Variants in ZNF487 observed in about 807,000 individuals in gnomAD.
ZNF487 encodes KRAB domain only 1.
In ZNF487, 4 loss-of-function variants were observed where a neutral mutation model predicts 3.0. The ratio of observed to expected loss-of-function variants is 1.35; its 90% CI spans 0.66 to 3.08. ZNF487 has a LOEUF of 3.08. Among genes scored for constraint, ZNF487 ranks in the 30% most tolerant of loss-of-function variants. The probability of loss-of-function intolerance (pLI) is 0.01; values close to 1 mark genes in which losing one functional copy is unlikely to be tolerated. For missense variants in ZNF487, 146 were observed against 98.7 expected (o/e 1.48, Z -2.03); for synonymous variants, 55 against 34.6 (o/e 1.59, Z -2.06).
intron 1 of ZNF487, among the ~76,000 whole-genome samples, chr10:43,443,378 GT>G (rs35842181): frequency 1.7e-3 from 192 of 116,308 alleles, no homozygotes; most frequent in East Asian, 4.1e-3. Context: ...TTTTGTTTTT[GT>G]TTTTTTTTTT....
chr10:43,513,271 A>G, the ZNF487 span, among the ~76,000 whole-genome samples: 1 of 152,236 alleles, frequency 6.6e-6, no homozygotes, highest in African/African-American at 2.4e-5. Flanking sequence ...CTGAAGGCAA[A>G]TTGCTTTTGG....
chr10:43,448,053 G>A (rs1284039836), intron 1 of ZNF487, among the ~76,000 whole-genome samples: 4 of 141,478 alleles, frequency 2.8e-5, no homozygotes, highest in Non-Finnish European at 6.0e-5. Context: ...GCAGTGGTGC[G>A]ATCTCGGCTT....
chr10:43,484,555 C>T (rs143933932), downstream of ZNF487, among the ~76,000 whole-genome samples: 5,141 of 151,934 alleles, frequency 0.034, 203 homozygotes, highest in African/African-American at 0.095. Context: ...TGCAGTGAGC[C>T]GAGATCATGC....
At chr10:43,513,026 A>C in the ZNF487 span, among the ~76,000 whole-genome samples, 1 of 152,184 alleles carries the variant, frequency 6.6e-6, no homozygotes, top group Non-Finnish European at 1.5e-5. Context: ...CTGGCACACA[A>C]ATGTCTCACC....
chr10:43,493,709 A>AAAAAAT, the ZNF487 span, among the ~76,000 whole-genome samples: 1 of 43,720 alleles, frequency 2.3e-5, no homozygotes, highest in African/African-American at 8.7e-5. Context: ...AAAAAAAAAA[A>AAAAAAT]ATATATATAT....
At chr10:43,500,356 A>G in the ZNF487 span, among the ~76,000 whole-genome samples, 1 of 151,920 alleles carries the variant, frequency 6.6e-6, no homozygotes, top group Non-Finnish European at 1.5e-5. Context: ...AGTGCAGGAG[A>G]TCAAGGCTGT....
At chr10:43,449,576 A>C (rs1176410977) in intron 1 of ZNF487, among the ~76,000 whole-genome samples, 3 of 152,174 alleles carry the variant, frequency 2.0e-5, no homozygotes, top group Non-Finnish European at 2.9e-5. Flanking sequence ...GTATTTAAAA[A>C]AAAATTCCTT....
rs1232776753 is a variant in ZNF487, at chr10:43,447,309, C to T, written c.-94+10047C>T. Among the ~76,000 whole-genome samples the T allele has an allele frequency of 6.6e-5, 10 of 151,684 alleles. No homozygotes were observed. The East Asian group carries it at 9.7e-4, about 15-fold the overall frequency. On this transcript the variant is annotated intron_variant, in intron 1 of 3. Transcript: ENST00000437590. The stretch of plus-strand genomic sequence containing the variant: ...CCAGGCTGGAGTGCAGTGGCACGAT[C>T]TTAGCTCACTGTAACCTCCACCTCA...
At chr10:43,438,896 C>T (rs1040201321) in intron 1 of ZNF487, among the ~76,000 whole-genome samples, 7 of 151,864 alleles carry the variant, frequency 4.6e-5, no homozygotes, top group Non-Finnish European at 1.0e-4. Context: ...GCCTGAGCAA[C>T]ATAGCGAGAT....
chr10:43,457,807 G>A (rs906918754), intron 1 of ZNF487, among the ~76,000 whole-genome samples: 2 of 152,056 alleles, frequency 1.3e-5, no homozygotes, highest in Non-Finnish European at 2.9e-5. Flanking sequence ...CGGATCACGA[G>A]GTCAGGAGAT....
chr10:43,474,002 G>A (rs1840998946), intron 1 of ZNF487, among the ~76,000 whole-genome samples: 1 of 151,770 alleles, frequency 6.6e-6, no homozygotes, highest in Non-Finnish European at 1.5e-5. Context: ...TCTGTGAAAA[G>A]GCAAAAAAAT....
At chr10:43,470,884 A>T (rs1035746442) in intron 1 of ZNF487, among the ~76,000 whole-genome samples, 3 of 151,712 alleles carry the variant, frequency 2.0e-5, no homozygotes, top group African/African-American at 7.3e-5. Flanking sequence ...CAGTGGCACG[A>T]TCATAGCTCA....
intron 1 of ZNF487, among the ~76,000 whole-genome samples, chr10:43,455,903 C>G (rs1009813776): frequency 2.6e-5 from 4 of 152,228 alleles, no homozygotes; most frequent in African/African-American, 9.6e-5. Context: ...AGGCGGGCAC[C>G]GCCCGCTCTA....
chr10:43,468,177 G>A (rs146093426), intron 1 of ZNF487, among the ~76,000 whole-genome samples: 89 of 152,264 alleles, frequency 5.8e-4, no homozygotes, highest in African/African-American at 1.9e-3. Flanking sequence ...CTTCTTATGC[G>A]TGAGATAAGA....
intron 1 of ZNF487, among the ~76,000 whole-genome samples, chr10:43,440,174 G>A (rs1453722914): frequency 6.6e-6 from 1 of 151,320 alleles, no homozygotes; most frequent in African/African-American, 2.4e-5. Context: ...TCAGCCTCCC[G>A]AGTAGCTAGG....
chr10:43,453,338 G>C (rs916072157), intron 1 of ZNF487: 1 of 152,180 alleles, frequency 6.6e-6, no homozygotes. Flanking sequence ...ATTCATAATT[G>C]TAAGTCCTTT....
At chr10:43,462,392 CT>C (rs1171841551) in intron 1 of ZNF487, among the ~76,000 whole-genome samples, 7 of 149,602 alleles carry the variant, frequency 4.7e-5, no homozygotes, top group Non-Finnish European at 1.0e-4. Flanking sequence ...TTTCTTTTTT[CT>C]TTTTTCTTTT....
intron 1 of ZNF487, among the ~76,000 whole-genome samples, chr10:43,466,850 A>G (rs1840724195): frequency 6.6e-6 from 1 of 152,152 alleles, no homozygotes; most frequent in South Asian, 2.1e-4. Flanking sequence ...GCATGCATCC[A>G]TTCTACAGCC....
At chr10:43,443,467 G>A (rs1263759718) in intron 1 of ZNF487, among the ~76,000 whole-genome samples, 3 of 149,930 alleles carry the variant, frequency 2.0e-5, no homozygotes, top group South Asian at 2.1e-4. Flanking sequence ...TCCCCCTACC[G>A]GGTTCAAGAG....
Sources: allele counts gnomAD v4.1 joint callset (sites outside exome capture counted in the v4.1 genomes callset), GRCh38; gene constraint gnomAD v4.1.1; transcripts MANE v1.5; gene names NCBI Gene and HGNC (gene_info 2026-07-23, HGNC 2026-07-21).